Variants in ABCC8 observed in about 807,000 individuals in gnomAD.
The protein encoded by ABCC8 is ATP binding cassette subfamily C member 8.
In ABCC8, 137 loss-of-function variants were observed where a neutral mutation model predicts 188.0. The ratio of observed to expected loss-of-function variants is 0.73; its 90% CI spans 0.63 to 0.84. ABCC8 has a LOEUF of 0.84. Ranked by LOEUF, ABCC8 falls within the 40% of genes least tolerant of loss-of-function variation. The probability of loss-of-function intolerance (pLI) is 0.00; values close to 1 mark genes in which losing one functional copy is unlikely to be tolerated. For missense variants in ABCC8, 1,750 were observed against 2,072.7 expected, an observed-to-expected ratio of 0.84 and a Z score of 3.02; for synonymous variants, 797 against 846.5, an observed-to-expected ratio of 0.94 and a Z score of 1.01.
chr11:17,397,340 A>G, intron 31 of ABCC8, 27 bp from the exon 32 acceptor site: 3 of 1,606,374 alleles, frequency 1.9e-6, no homozygotes, highest in South Asian at 1.1e-5. Flanking sequence ...AGTGGCGCAC[A>G]CTCCATGGTC....
intron 26 of ABCC8, among the ~76,000 whole-genome samples, chr11:17,405,962 A>C (rs185540606): frequency 1.5e-4 from 23 of 152,350 alleles, no homozygotes; most frequent in Admixed American, 1.5e-3. Flanking sequence ...AGAACTACAG[A>C]GCTGGGGCAA....
rs765922155 is a variant in ABCC8 at position 17,404,496 on chromosome 11, C to A, written c.3557+16G>T. On this transcript the variant is annotated intron_variant, in intron 28 of 38. Coordinates refer to ENST00000389817, the MANE Select transcript of ABCC8 (RefSeq NM_000352.6). This position sits in a 1 kb window ranked among gnomAD's most constrained non-coding sequence, Gnocchi z 4.7. Reference sequence around the variant, plus strand: ...ATTGCAAAGCACCTCCCACCCCTCACCCCTGAGGCCATCACCTGGACGCCA... The same window carrying A: ...ATTGCAAAGCACCTCCCACCCCTCAACCCTGAGGCCATCACCTGGACGCCA... 1.2e-6 allele frequency: 2 copies of A among 1,611,350 alleles called. No homozygotes were observed. Among genetic ancestry groups the A allele is most frequent in the Admixed American group, 3.3e-5 (2 of 60,010 alleles).
Position 17,428,933 on chromosome 11 carries a change from T to TA in ABCC8, c.1818-264dup, listed in dbSNP as rs1464638205. ...TTAGTTTTAGGGTTAATGTTGAAGT[T>TA]AGTTAGTCTGGGTTATTAGACTGAA... On this transcript the variant is annotated intron_variant, in intron 12 of 38. Coordinates refer to ENST00000389817, the MANE Select transcript of ABCC8 (RefSeq NM_000352.6). 4.2e-5 allele frequency: 24 copies of TA among 576,476 alleles called. No individual in the cohort carries two copies. In the East Asian group the frequency reaches 7.4e-4, roughly 18 times the overall value. 35.7% of individuals were successfully genotyped at this position (576,476 alleles called of 1,614,324 possible). A position where few individuals can be genotyped will look rare whatever the true frequency, so the allele number is the denominator to read the frequency against.
chr11:17,469,209 A>G (rs1194783116), intron 3 of ABCC8, among the ~76,000 whole-genome samples: 1 of 151,972 alleles, frequency 6.6e-6, no homozygotes, highest in Non-Finnish European at 1.5e-5. Context: ...TGACTGCCTC[A>G]GCCTCCTGAG....
rs765114769 is a variant in ABCC8 at position 17,405,366 on chromosome 11, G to A, written c.3399+128C>T. Reference sequence around the variant, plus strand: ...CCTGAAGCAGCATTATAATCGGATCGGGGACACTGGCTTCTTCCCAGAGGG... The same window carrying A: ...CCTGAAGCAGCATTATAATCGGATCAGGGACACTGGCTTCTTCCCAGAGGG... On this transcript the variant is annotated intron_variant, in intron 27 of 38. Transcript: ENST00000389817. 39 of 1,437,104 alleles carry A rather than the reference G, an allele frequency of 2.7e-5. 1 individual carries two copies. Among genetic ancestry groups the A allele is most frequent in the Admixed American group, 6.9e-5 (4 of 58,166 alleles). The allele number at this position is 1,437,104 out of a possible 1,614,324, so 89.0% of individuals were successfully genotyped here.
intron 16 of ABCC8, among the ~76,000 whole-genome samples, chr11:17,419,191 A>G (rs1327385707): frequency 2.0e-5 from 3 of 152,224 alleles, no homozygotes; most frequent in Non-Finnish European, 4.4e-5. Flanking sequence ...GGCAGGCACC[A>G]TCTCTCACTC....
intron 8 of ABCC8, among the ~76,000 whole-genome samples, chr11:17,445,234 C>T (rs1421005557): frequency 6.6e-6 from 1 of 152,170 alleles, no homozygotes; most frequent in Non-Finnish European, 1.5e-5. Flanking sequence ...AAATTATAGC[C>T]CAAATGTTTG....
At chr11:17,472,609 C>T (rs1848540465) in intron 2 of ABCC8, among the ~76,000 whole-genome samples, 1 of 152,184 alleles carries the variant, frequency 6.6e-6, no homozygotes, top group Admixed American at 6.5e-5. Context: ...CTGCCCCTCA[C>T]TCAGGCCTGG....
chr11:17,402,863 T>C, intron 28 of ABCC8, 110 bp from the exon 29 acceptor site: 2 of 1,350,886 alleles, frequency 1.5e-6, no homozygotes, highest in Non-Finnish European at 2.1e-6. Context: ...GCCTTACCTC[T>C]CTAGGCCTCA....
chr11:17,446,997 G>T lies in ABCC8; in HGVS notation c.1332+1519C>A, dbSNP rs74869892. 1.6e-4 allele frequency among the ~76,000 whole-genome samples: 25 copies of T among 152,288 alleles called. No homozygotes were observed. In the East Asian group the frequency reaches 4.4e-3, roughly 27 times the overall value. Reference sequence around the variant, plus strand: ...TATTTACGAAGTGAAGACTCTGGGGGCCACTCTGCCTGCTGTGTTACTTAC... The same window carrying T: ...TATTTACGAAGTGAAGACTCTGGGGTCCACTCTGCCTGCTGTGTTACTTAC... On this transcript the variant is annotated intron_variant, in intron 8 of 38. Coordinates refer to ENST00000389817, the MANE Select transcript of ABCC8 (RefSeq NM_000352.6).
chr11:17,453,687 C>G (rs1243403114), intron 6 of ABCC8, among the ~76,000 whole-genome samples: 3 of 152,186 alleles, frequency 2.0e-5, no homozygotes, highest in Non-Finnish European at 4.4e-5. Context: ...ATGGAATCAG[C>G]AGCTCCCTTG....
intron 16 of ABCC8, among the ~76,000 whole-genome samples, chr11:17,421,622 CTATTGAATAATAA>C (rs1955348194): frequency 6.6e-6 from 1 of 152,186 alleles, no homozygotes; most frequent in Non-Finnish European, 1.5e-5. Flanking sequence ...AAGAAGTACA[CTATTGAATAATAA>C]TATTTATAGG....
chr11:17,463,397 C>T, intron 4 of ABCC8, 41 bp downstream of exon 4: 24 of 1,533,096 alleles, frequency 1.6e-5, no homozygotes, highest in Non-Finnish European at 2.1e-5. Context: ...AGGCCAGAGC[C>T]TCTGCTTCCC....
chr11:17,473,551 G>A (rs985704247), intron 2 of ABCC8, among the ~76,000 whole-genome samples: 2 of 152,142 alleles, frequency 1.3e-5, no homozygotes, highest in South Asian at 2.1e-4. Context: ...CTCAGGGGGC[G>A]CTGGACCTCA....
intron 16 of ABCC8, among the ~76,000 whole-genome samples, chr11:17,423,356 C>CAAGAAAAA (rs1955437139): frequency 1.6e-5 from 1 of 63,344 alleles, no homozygotes; most frequent in Admixed American, 2.5e-4. Context: ...GACTCCGTCT[C>CAAGAAAAA]AAAAAAAAAA....
At chr11:17,402,858 A>G in intron 28 of ABCC8, 105 bp from the exon 29 acceptor site, 2 of 1,394,558 alleles carry the variant, frequency 1.4e-6, no homozygotes, top group Non-Finnish European at 2.0e-6. Context: ...GAATGGCCTT[A>G]CCTCTCTAGG....
chr11:17,395,075 A>G (rs1591707529), intron 36 of ABCC8, 97 bp downstream of exon 36: 2 of 1,497,428 alleles, frequency 1.3e-6, no homozygotes. Context: ...TTCAGACTCC[A>G]AACTTGGGGC....
intron 33 of ABCC8, chr11:17,396,658 G>A (rs1953944217): frequency 3.8e-6 from 2 of 527,352 alleles, no homozygotes; most frequent in Admixed American, 3.2e-5. Flanking sequence ...GCCCGTGTGA[G>A]CTGGGGGAGT....
intron 10 of ABCC8, among the ~76,000 whole-genome samples, chr11:17,439,944 G>T (rs1956249222): frequency 6.6e-6 from 1 of 152,198 alleles, no homozygotes; most frequent in African/African-American, 2.4e-5. Flanking sequence ...CACCCACTAG[G>T]TAGGGTTCAG....
Sources: gnomAD v4.1 joint callset for allele counts (sites outside exome capture counted in the v4.1 genomes callset) on GRCh38, gnomAD v4.1.1 for gene constraint, Gnocchi (gnomAD v3.1) non-coding constraint, MANE v1.5 for transcripts, NCBI Gene and HGNC (gene_info 2026-07-23, HGNC 2026-07-21) for gene names.